Variants in FAM107B observed in about 807,000 individuals in gnomAD.
FAM107B encodes the protein protein FAM107B.
A neutral mutation model predicts 31.5 loss-of-function variants in FAM107B; 21 were observed. That is an observed-to-expected ratio of 0.67 (90% confidence interval 0.47 to 0.96). The LOEUF (loss-of-function observed/expected upper bound fraction) is 0.96, where lower values mean the gene tolerates loss of function less well. Ranked by LOEUF, FAM107B falls within the 40% of genes least tolerant of loss-of-function variation. The pLI is 0.00. For missense variants in FAM107B, 452 were observed against 377.1 expected (o/e 1.20, Z -1.64); for synonymous variants, 157 against 141.5 (o/e 1.11, Z -0.78).
chr10:14,529,040 G>GA (rs1311886624), intron 3 of FAM107B, among the ~76,000 whole-genome samples: 4 of 152,266 alleles, frequency 2.6e-5, no homozygotes, highest in Admixed American at 2.6e-4. Context: ...AAGATAATCT[G>GA]AAAATCTTTG....
intron 1 of FAM107B, among the ~76,000 whole-genome samples, chr10:14,700,230 G>A (rs1855362690): frequency 6.6e-6 from 1 of 152,158 alleles, no homozygotes; most frequent in African/African-American, 2.4e-5. Flanking sequence ...ACCGCGCCAG[G>A]CCAGGCGTCC....
chr10:14,752,233 G>A (rs779022225), intron 1 of FAM107B, among the ~76,000 whole-genome samples: 1 of 152,160 alleles, frequency 6.6e-6, no homozygotes, highest in Non-Finnish European at 1.5e-5. Context: ...TGGAAAAAGG[G>A]ACTCAACCAA....
At chr10:14,747,557 G>A (rs1186577489) in intron 1 of FAM107B, among the ~76,000 whole-genome samples, 9 of 152,022 alleles carry the variant, frequency 5.9e-5, no homozygotes, top group Non-Finnish European at 7.4e-5. Flanking sequence ...TCTTCCATAG[G>A]GTGGCTGCAG....
At chr10:14,573,405 T>G (rs1469887796) in intron 2 of FAM107B, among the ~76,000 whole-genome samples, 1 of 152,024 alleles carries the variant, frequency 6.6e-6, no homozygotes, top group Admixed American at 6.6e-5. Context: ...CCCTCGACCT[T>G]GGACTTCCCA....
intron 1 of FAM107B, among the ~76,000 whole-genome samples, chr10:14,671,905 C>G (rs564024490): frequency 1.7e-4 from 23 of 137,714 alleles, no homozygotes; most frequent in Non-Finnish European, 2.9e-4. Context: ...AAAAAAAAAC[C>G]CTCTATTTCT....
At chr10:14,543,848 C>T (rs1588534179) in intron 2 of FAM107B, among the ~76,000 whole-genome samples, 1 of 152,240 alleles carries the variant, frequency 6.6e-6, no homozygotes, top group South Asian at 2.1e-4. Flanking sequence ...AAGAGTTTGG[C>T]TCACCTGCTG....
intron 3 of FAM107B, among the ~76,000 whole-genome samples, chr10:14,522,730 A>T (rs117874717): frequency 1.6e-4 from 24 of 152,234 alleles, no homozygotes; most frequent in South Asian, 6.2e-4. Flanking sequence ...CCCTGATCTT[A>T]TGCACTAAAT....
chr10:14,584,749 A>G (rs746964725), intron 2 of FAM107B, among the ~76,000 whole-genome samples: 20 of 152,168 alleles, frequency 1.3e-4, no homozygotes, highest in South Asian at 4.1e-4. Flanking sequence ...TTCCACACCT[A>G]TGTAACAAAA....
At position 14,530,487 on chromosome 10, in the gene FAM107B, C is replaced by T. The variant is rs267602425; in HGVS notation, c.498G>A (p.Lys166=). 6.2e-6 allele frequency: 10 copies of T among 1,613,312 alleles called. No individual in the cohort carries two copies. In the South Asian group the frequency reaches 6.6e-5, roughly 11 times the overall value. The change falls in exon 3 of 5, where the codon AAG becomes AAA. Residue 166 remains lysine (K), a synonymous_variant. Transcript: ENST00000181796. ...SDSPPEDIDH[K]DSYLITRSIM... ...TGCTTCTTGTAATGAGATATGAGTCCTTATGGTCAATATCCTCAGGTGGGC... is the reference window on the plus strand; with the variant it reads ...TGCTTCTTGTAATGAGATATGAGTCTTTATGGTCAATATCCTCAGGTGGGC...
chr10:14,709,599 G>A (rs1855594321), intron 1 of FAM107B, among the ~76,000 whole-genome samples: 1 of 152,180 alleles, frequency 6.6e-6, no homozygotes, highest in African/African-American at 2.4e-5. Flanking sequence ...AATTGTGAGA[G>A]TTACAATTCA....
intron 2 of FAM107B, among the ~76,000 whole-genome samples, chr10:14,660,998 C>T (rs1264839281): frequency 6.6e-6 from 1 of 152,118 alleles, no homozygotes; most frequent in Non-Finnish European, 1.5e-5. Context: ...TGATAGTGAG[C>T]TCTCACTAGA....
At chr10:14,736,608 C>G (rs1049153253) in intron 1 of FAM107B, among the ~76,000 whole-genome samples, 30 of 152,292 alleles carry the variant, frequency 2.0e-4, no homozygotes, top group African/African-American at 6.5e-4. Flanking sequence ...TTCATTGGTC[C>G]TATAAATCAA....
chr10:14,747,156 T>C (rs1231683232), intron 1 of FAM107B, among the ~76,000 whole-genome samples: 1 of 152,228 alleles, frequency 6.6e-6, no homozygotes, highest in Non-Finnish European at 1.5e-5. Context: ...TCATTTATGT[T>C]CCTCTCTAAA....
chr10:14,545,323 G>A (rs115761287), intron 2 of FAM107B, among the ~76,000 whole-genome samples: 115 of 152,226 alleles, frequency 7.6e-4, no homozygotes, highest in African/African-American at 2.5e-3. Context: ...TCCCCCTGTT[G>A]TCTGATCACC....
intron 2 of FAM107B, among the ~76,000 whole-genome samples, chr10:14,601,290 CG>C (rs1852388719): frequency 6.6e-6 from 1 of 152,106 alleles, no homozygotes; most frequent in Non-Finnish European, 1.5e-5. Context: ...GATGGGGTAC[CG>C]GAATTAGGGA....
At chr10:14,719,942 G>A (rs892713540) in intron 1 of FAM107B, among the ~76,000 whole-genome samples, 1 of 152,196 alleles carries the variant, frequency 6.6e-6, no homozygotes, top group Non-Finnish European at 1.5e-5. Flanking sequence ...ATGCCATGGT[G>A]TGGGCTCTTT....
chr10:14,611,836 A>G lies in FAM107B; in HGVS notation c.469+55798T>C, dbSNP rs559597700. 7.2e-5 allele frequency among the ~76,000 whole-genome samples: 11 copies of G among 152,062 alleles called. No individual in the cohort carries two copies. In the East Asian group the frequency reaches 1.9e-3, roughly 27 times the overall value. On this transcript the variant is annotated intron_variant, in intron 2 of 4. Coordinates refer to ENST00000181796, the MANE Select transcript of FAM107B (RefSeq NM_031453.4). ...CATTTATAAATATGTATAAAAATAT[A>G]TATGCATAAATTTTTCCTTGCTAGT...
chr10:14,757,045 T>A (rs973206867), intron 1 of FAM107B, among the ~76,000 whole-genome samples: 13 of 152,146 alleles, frequency 8.5e-5, no homozygotes, highest in African/African-American at 2.9e-4. Flanking sequence ...GAAAAATAAC[T>A]AATGGGTACT....
intron 1 of FAM107B, among the ~76,000 whole-genome samples, chr10:14,730,084 T>C (rs538877453): frequency 1.5e-4 from 23 of 152,278 alleles, no homozygotes; most frequent in Non-Finnish European, 2.9e-4. Context: ...AAATACCTAA[T>C]GTATGCAGGG....
Sources: allele counts gnomAD v4.1 joint callset (sites outside exome capture counted in the v4.1 genomes callset), GRCh38; gene constraint gnomAD v4.1.1; transcripts MANE v1.5; gene names NCBI Gene and HGNC (gene_info 2026-07-23, HGNC 2026-07-21).